The following TMEM135 variants were observed in gnomAD, a reference collection of about 807,000 sequenced individuals.
TMEM135 encodes the protein transmembrane protein 135.
Under a neutral mutation model 60.3 loss-of-function variants are expected in TMEM135, and 30 were observed. The observed-to-expected ratio is 0.50, with a 90% CI of 0.37 to 0.68. The LOEUF is 0.68. TMEM135 is among the 30% of genes least tolerant of loss of function. The probability of loss-of-function intolerance (pLI) is 0.00; values close to 1 mark genes in which losing one functional copy is unlikely to be tolerated. For synonymous variants in TMEM135, 190 were observed against 186.7 expected (o/e 1.02, Z -0.14); for missense variants, 468 against 548.8 (o/e 0.85, Z 1.47).
chr11:87,195,403 C>CTG (rs1939930107), intron 5 of TMEM135, among the ~76,000 whole-genome samples: 1 of 133,022 alleles, frequency 7.5e-6, no homozygotes, highest in East Asian at 2.1e-4. Flanking sequence ...CTCTCTCTCT[C>CTG]TCTCTCTGTT....
intron 7 of TMEM135, among the ~76,000 whole-genome samples, chr11:87,298,792 A>AAAAAAAAC (rs1470865831): frequency 1.4e-5 from 2 of 141,202 alleles, no homozygotes; most frequent in African/African-American, 5.3e-5. Flanking sequence ...GTCTCAAAAA[A>AAAAAAAAC]AAAAAAAAAA....
intron 4 of TMEM135, among the ~76,000 whole-genome samples, chr11:87,120,552 A>C (rs1858028169): frequency 7.1e-6 from 1 of 140,318 alleles, no homozygotes; most frequent in African/African-American, 2.7e-5. Flanking sequence ...GCTCACTGCA[A>C]CCTCCACCTC....
At chr11:87,118,063 A>G (rs552903069) in intron 4 of TMEM135, among the ~76,000 whole-genome samples, 145 of 143,332 alleles carry the variant, frequency 1.0e-3, no homozygotes, top group Middle Eastern at 7.1e-3. Context: ...GTCAATGAGT[A>G]GTAATATTTT....
chr11:87,165,941 A>G (rs1471224051), intron 5 of TMEM135, among the ~76,000 whole-genome samples: 1 of 150,756 alleles, frequency 6.6e-6, no homozygotes, highest in South Asian at 2.1e-4. Context: ...ACAAACTACC[A>G]TCAGAGAATA....
chr11:87,176,994 A>G (rs1024970101), intron 5 of TMEM135, among the ~76,000 whole-genome samples: 5 of 152,182 alleles, frequency 3.3e-5, no homozygotes, highest in African/African-American at 9.7e-5. Context: ...TAATATTAAT[A>G]TAATATACAT....
intron 5 of TMEM135, among the ~76,000 whole-genome samples, chr11:87,192,015 G>GTC (rs1464044710): frequency 8.4e-6 from 1 of 119,438 alleles, no homozygotes; most frequent in Non-Finnish European, 1.7e-5. Flanking sequence ...TCGAGATGGA[G>GTC]TCTTGCTCCA....
At chr11:87,046,275 G>A (rs1949795180) in intron 1 of TMEM135, among the ~76,000 whole-genome samples, 1 of 152,126 alleles carries the variant, frequency 6.6e-6, no homozygotes, top group Non-Finnish European at 1.5e-5. Context: ...GTGGTGGTGG[G>A]CATCTGTAAT....
At chr11:87,099,002 T>A (rs1194754044) in intron 4 of TMEM135, among the ~76,000 whole-genome samples, 1 of 152,100 alleles carries the variant, frequency 6.6e-6, no homozygotes, top group Non-Finnish European at 1.5e-5. Flanking sequence ...ATCTTAAATT[T>A]TCTTAATGGC....
intron 7 of TMEM135, among the ~76,000 whole-genome samples, chr11:87,300,275 T>G (rs1942420851): frequency 6.6e-6 from 1 of 152,190 alleles, no homozygotes. Context: ...TAGGATGATT[T>G]GAAAATTATC....
intron 13 of TMEM135, among the ~76,000 whole-genome samples, chr11:87,318,819 C>T (rs1286907845): frequency 6.6e-6 from 1 of 151,222 alleles, no homozygotes; most frequent in East Asian, 1.9e-4. Flanking sequence ...TCAGTAAATG[C>T]TTCCTGATAA....
At chr11:87,268,240 C>G (rs1941792097) in intron 6 of TMEM135, among the ~76,000 whole-genome samples, 1 of 139,670 alleles carries the variant, frequency 7.2e-6, no homozygotes, top group African/African-American at 2.7e-5. Context: ...AGGCAGGCAC[C>G]CTCACCACAC....
At chr11:87,304,524 C>G (rs1260123914) in intron 8 of TMEM135, among the ~76,000 whole-genome samples, 6 of 152,180 alleles carry the variant, frequency 3.9e-5, no homozygotes, top group Non-Finnish European at 7.4e-5. Flanking sequence ...CTTGTCAGGT[C>G]TCCAGCTTTA....
intron 5 of TMEM135, among the ~76,000 whole-genome samples, chr11:87,231,630 A>G (rs910386658): frequency 1.3e-5 from 2 of 152,222 alleles, no homozygotes; most frequent in African/African-American, 4.8e-5. Flanking sequence ...ACCATGCAAT[A>G]AGAAATAGGA....
chr11:87,196,501 A>G (rs538857306), intron 5 of TMEM135, among the ~76,000 whole-genome samples: 2 of 152,172 alleles, frequency 1.3e-5, no homozygotes, highest in African/African-American at 2.4e-5. Flanking sequence ...TTTGGTCCTA[A>G]AAATTGTTGT....
rs568498742 is a variant in TMEM135, at chr11:87,093,337, C to G, written c.396+1942C>G. Among the ~76,000 whole-genome samples, 15 of 152,220 alleles carry G rather than the reference C, an allele frequency of 9.9e-5. No homozygotes were observed. In the South Asian group the frequency reaches 3.1e-3, roughly 32 times the overall value. Reference sequence around the variant, plus strand: ...AAGCAATCCTCCTACCTCACCCTCCCAAGTAGCTGGGACCACAGGCATGTA... The same window carrying G: ...AAGCAATCCTCCTACCTCACCCTCCGAAGTAGCTGGGACCACAGGCATGTA... On this transcript the variant is annotated intron_variant, in intron 4 of 14. Coordinates refer to ENST00000305494, the MANE Select transcript of TMEM135 (RefSeq NM_022918.4).
chr11:87,225,251 C>T (rs1940740428), intron 5 of TMEM135, among the ~76,000 whole-genome samples: 1 of 152,116 alleles, frequency 6.6e-6, no homozygotes, highest in Non-Finnish European at 1.5e-5. Context: ...AAACCTGGCT[C>T]AATCGCCTAA....
chr11:87,254,047 G>C (rs1445492452), intron 6 of TMEM135, among the ~76,000 whole-genome samples: 1 of 151,970 alleles, frequency 6.6e-6, no homozygotes, highest in Non-Finnish European at 1.5e-5. Flanking sequence ...ATAACAATCT[G>C]TTACCTTTGC....
At chr11:87,039,211 G>A (rs1376912291) in intron 1 of TMEM135, among the ~76,000 whole-genome samples, 13 of 152,162 alleles carry the variant, frequency 8.5e-5, no homozygotes, top group African/African-American at 3.1e-4. Flanking sequence ...GTCTGATTAT[G>A]TATTTCAGAG....
chr11:87,211,109 C>T (rs967646137), intron 5 of TMEM135, among the ~76,000 whole-genome samples: 13 of 152,102 alleles, frequency 8.5e-5, no homozygotes, highest in Admixed American at 3.9e-4. Flanking sequence ...CTACTCTTAC[C>T]GCTCCTATTC....
Sources: gnomAD v4.1 joint callset for allele counts (sites outside exome capture counted in the v4.1 genomes callset) on GRCh38, gnomAD v4.1.1 for gene constraint, MANE v1.5 for transcripts, NCBI Gene and HGNC (gene_info 2026-07-23, HGNC 2026-07-21) for gene names.